The following NEK10 variants were observed in gnomAD, a reference collection of about 807,000 sequenced individuals.
The protein encoded by NEK10 is serine/threonine-protein kinase Nek10.
Under a neutral mutation model 159.8 loss-of-function variants are expected in NEK10, and 122 were observed. The ratio of observed to expected loss-of-function variants is 0.76; its 90% confidence interval spans 0.66 to 0.89. NEK10 has a LOEUF of 0.89. NEK10 is among the 40% of genes least tolerant of loss of function. NEK10 has a pLI of 0.00. For missense variants in NEK10, 1,342 were observed against 1,323.1 expected (o/e 1.01, Z -0.22); for synonymous variants, 466 against 457.1 (o/e 1.02, Z -0.25).
chr3:27,332,139 T>C (rs748278507), intron 5 of NEK10, among the ~76,000 whole-genome samples: 2 of 152,142 alleles, frequency 1.3e-5, no homozygotes, highest in Non-Finnish European at 2.9e-5. Flanking sequence ...AAATTTCATA[T>C]TAAAGAGCAG....
chr3:27,137,651 T>C (rs1428495440), intron 31 of NEK10, among the ~76,000 whole-genome samples: 1 of 152,234 alleles, frequency 6.6e-6, no homozygotes, highest in Non-Finnish European at 1.5e-5. Context: ...CACCCTCTTT[T>C]ACGTAATTAG....
intron 23 of NEK10, among the ~76,000 whole-genome samples, chr3:27,211,986 G>A (rs1323604069): frequency 6.6e-6 from 1 of 152,196 alleles, no homozygotes; most frequent in Non-Finnish European, 1.5e-5. Context: ...CTGTAAGACA[G>A]AGAGATAATT....
intron 23 of NEK10, among the ~76,000 whole-genome samples, chr3:27,213,656 T>C (rs1182331947): frequency 6.6e-6 from 1 of 152,134 alleles, no homozygotes; most frequent in Non-Finnish European, 1.5e-5. Context: ...TATAATCTCC[T>C]CTTTTTGGAA....
At chr3:27,277,859 C>T (rs181744667) in intron 22 of NEK10, among the ~76,000 whole-genome samples, 35 of 152,198 alleles carry the variant, frequency 2.3e-4, no homozygotes, top group Non-Finnish European at 3.8e-4. Flanking sequence ...TTAAGAGCCA[C>T]GGCATGGTTT....
chr3:27,366,310 G>A (rs1286731991), intron 1 of NEK10, among the ~76,000 whole-genome samples: 1 of 152,176 alleles, frequency 6.6e-6, no homozygotes, highest in Non-Finnish European at 1.5e-5. Context: ...CAGAATCTGT[G>A]TTCTATGAAC....
At chr3:27,309,660 A>G (rs1209415031) in intron 9 of NEK10, 1 of 152,226 alleles carries the variant, frequency 6.6e-6, no homozygotes. Flanking sequence ...CAGGAAGATT[A>G]ATGACATAAA....
At chr3:27,135,972 T>A (rs764940841) in intron 31 of NEK10, among the ~76,000 whole-genome samples, 7 of 152,212 alleles carry the variant, frequency 4.6e-5, no homozygotes, top group Non-Finnish European at 7.3e-5. Flanking sequence ...GTCAGTAGTA[T>A]AATTTTCATT....
At position 27,108,613 on chromosome 3, in the gene NEK10, A is replaced by G. The variant is rs1401655635; in HGVS notation, c.*2659T>C. On this transcript the variant is annotated 3_prime_UTR_variant, in exon 36 of 36. Transcript: ENST00000691995. Reference sequence around the variant, plus strand: ...AATTAGGTGCATTCATAGGAATTTCATTGCACAACAAATCATTAAAAATTA... The same window carrying G: ...AATTAGGTGCATTCATAGGAATTTCGTTGCACAACAAATCATTAAAAATTA... Among the ~76,000 whole-genome samples the G allele has an allele frequency of 1.3e-5, 2 of 152,222 alleles. No individual in the cohort carries two copies. The highest frequency in any genetic ancestry group is 2.9e-5 in the Non-Finnish European group (2 of 68,042).
At chr3:27,226,723 T>G (rs543083730) in intron 23 of NEK10, among the ~76,000 whole-genome samples, 31 of 152,286 alleles carry the variant, frequency 2.0e-4, no homozygotes, top group African/African-American at 7.5e-4. Flanking sequence ...AATATTAAGA[T>G]GATAAGATTT....
chr3:27,356,058 C>A (rs182935454), intron 1 of NEK10, among the ~76,000 whole-genome samples: 18 of 152,274 alleles, frequency 1.2e-4, no homozygotes, highest in Admixed American at 1.2e-3. Context: ...GGAATGAGTT[C>A]TCTCTCTTTG....
intron 23 of NEK10, among the ~76,000 whole-genome samples, chr3:27,209,400 A>T (rs4973860): frequency 6.6e-6 from 1 of 152,080 alleles, no homozygotes; most frequent in African/African-American, 2.4e-5. Context: ...GCAAAGCAGG[A>T]TGTTTATATT....
intron 22 of NEK10, among the ~76,000 whole-genome samples, chr3:27,281,643 C>T (rs1392665205): frequency 3.3e-5 from 5 of 152,098 alleles, no homozygotes; most frequent in Admixed American, 3.3e-4. Flanking sequence ...GCCCAAAGCA[C>T]TCTTTATTAG....
chr3:27,263,293 G>A (rs1475498040), intron 22 of NEK10, among the ~76,000 whole-genome samples: 3 of 152,330 alleles, frequency 2.0e-5, no homozygotes, highest in African/African-American at 4.8e-5. Context: ...CAGTCTGTCC[G>A]TTCTCAGATC....
intron 23 of NEK10, among the ~76,000 whole-genome samples, chr3:27,246,405 ATTTTTTAT>A (rs1360050055): frequency 1.3e-5 from 2 of 151,984 alleles, no homozygotes; most frequent in African/African-American, 4.8e-5. Context: ...GATTTTTTAA[ATTTTTTAT>A]TTTTAACTTT....
chr3:27,173,212 C>T (rs1486493210), intron 28 of NEK10, among the ~76,000 whole-genome samples: 1 of 152,090 alleles, frequency 6.6e-6, no homozygotes, highest in East Asian at 1.9e-4. Flanking sequence ...TAATATCTAA[C>T]AAAACACAAT....
At chr3:27,329,352 G>C (rs962630316) in intron 5 of NEK10, among the ~76,000 whole-genome samples, 1 of 152,132 alleles carries the variant, frequency 6.6e-6, no homozygotes, top group African/African-American at 2.4e-5. Context: ...AGTGTACTTA[G>C]AAGGCCCCAT....
At chr3:27,318,289 G>A (rs2045362337) in intron 6 of NEK10, among the ~76,000 whole-genome samples, 1 of 152,154 alleles carries the variant, frequency 6.6e-6, no homozygotes, top group Non-Finnish European at 1.5e-5. Context: ...AAAATATGGT[G>A]CCATTAAAAG....
At chr3:27,174,084 C>A (rs1009646279) in intron 28 of NEK10, among the ~76,000 whole-genome samples, 1 of 152,140 alleles carries the variant, frequency 6.6e-6, no homozygotes, top group African/African-American at 2.4e-5. Flanking sequence ...GGACCAATTT[C>A]TTCTACAGGC....
intron 29 of NEK10, among the ~76,000 whole-genome samples, chr3:27,166,281 T>G (rs1011481196): frequency 2.0e-5 from 3 of 152,190 alleles, no homozygotes; most frequent in Non-Finnish European, 4.4e-5. Context: ...CCTGTGGCTA[T>G]CCCCTCCTAC....
Sources: allele counts gnomAD v4.1 joint callset (sites outside exome capture counted in the v4.1 genomes callset), GRCh38; gene constraint gnomAD v4.1.1; transcripts MANE v1.5; gene names NCBI Gene and HGNC (gene_info 2026-07-23, HGNC 2026-07-21).